OSBPL9: variants seen among roughly 807,000 people sequenced by gnomAD.
OSBPL9 encodes the protein oxysterol-binding protein-related protein 9.
OSBPL9 carries 40 observed loss-of-function variants against 106.6 expected under a neutral mutation model. That is an observed-to-expected ratio of 0.38 (90% CI 0.29 to 0.49). The LOEUF (loss-of-function observed/expected upper bound fraction) is 0.49. Among genes scored for constraint, OSBPL9 ranks in the 20% least tolerant of loss-of-function variants. The probability of loss-of-function intolerance (pLI) is 0.97; values close to 1 mark genes in which losing one functional copy is unlikely to be tolerated. For synonymous variants in OSBPL9, 269 were observed against 295.4 expected, an observed-to-expected ratio of 0.91 and a Z score of 0.92; for missense variants, 609 against 887.2, an observed-to-expected ratio of 0.69 and a Z score of 3.98.
At chr1:51,519,955 G>T in the OSBPL9 span, among the ~76,000 whole-genome samples, 4 of 152,190 alleles carry the variant, frequency 2.6e-5, no homozygotes, top group Non-Finnish European at 5.9e-5. Flanking sequence ...TTTAACAAGG[G>T]AACGCTGGTG....
intron 1 of OSBPL9, among the ~76,000 whole-genome samples, chr1:51,590,028 G>A (rs1428808842): frequency 3.8e-5 from 4 of 104,042 alleles, no homozygotes; most frequent in Non-Finnish European, 5.4e-5. Context: ...GTGAGACTCC[G>A]TCTCAAAAAA....
intron 1 of OSBPL9, among the ~76,000 whole-genome samples, chr1:51,634,963 C>T (rs928438645): frequency 6.6e-6 from 1 of 152,142 alleles, no homozygotes; most frequent in African/African-American, 2.4e-5. Flanking sequence ...GGAAACTGGC[C>T]CTATGATTCA....
intron 4 of OSBPL9, among the ~76,000 whole-genome samples, chr1:51,742,111 C>T (rs553157906): frequency 6.6e-6 from 1 of 152,256 alleles, no homozygotes; most frequent in East Asian, 1.9e-4. Context: ...TAGCCAGCGC[C>T]ATGTGTGTTC....
chr1:51,720,853 A>G (rs548656467), intron 4 of OSBPL9, among the ~76,000 whole-genome samples: 1 of 142,044 alleles, frequency 7.0e-6, no homozygotes, highest in South Asian at 2.2e-4. Context: ...GTTGGAGTAC[A>G]GTGGTGCAAT....
the OSBPL9 span, chr1:51,566,262 T>A: frequency 6.6e-6 from 1 of 152,256 alleles, no homozygotes; most frequent in Non-Finnish European, 1.5e-5. Flanking sequence ...CTCTGCTCCA[T>A]CATTCCCAGC....
At chr1:51,676,613 C>T (rs994008183) in intron 3 of OSBPL9, among the ~76,000 whole-genome samples, 6 of 147,542 alleles carry the variant, frequency 4.1e-5, no homozygotes, top group South Asian at 2.2e-4. Flanking sequence ...GAGCCGAGAT[C>T]GCGCCACTGC....
chr1:51,729,827 G>A lies in OSBPL9; in HGVS notation c.319-15709G>A, dbSNP rs1316606601. On this transcript the variant is annotated intron_variant, in intron 4 of 23. Transcript: ENST00000428468. The surrounding 1 kb of genome is among the most constrained non-coding windows in gnomAD (Gnocchi z 5.1). The stretch of plus-strand genomic sequence containing the variant: ...AGGGGTGGGGGGTGAAGGGGGTGAA[G>A]GGGGTGTCCCGGGGGACGGGCTGAA... The A allele has an allele frequency of 6.4e-6, 8 of 1,243,740 alleles. No individual in the cohort carries two copies. Among genetic ancestry groups the A allele is most frequent in the African/African-American group, 1.6e-5 (1 of 63,564 alleles). The allele number at this position is 1,243,740 out of a possible 1,614,324, so 77.0% of individuals were successfully genotyped here. A position where few individuals can be genotyped will look rare whatever the true frequency, so the allele number is the denominator to read the frequency against.
At chr1:51,602,622 A>T (rs951588092) in intron 2 of OSBPL9, among the ~76,000 whole-genome samples, 8 of 150,854 alleles carry the variant, frequency 5.3e-5, no homozygotes, top group Non-Finnish European at 1.2e-4. Context: ...AGAGACGAGG[A>T]GTGGGGCGGG....
intron 3 of OSBPL9, among the ~76,000 whole-genome samples, chr1:51,681,055 T>G (rs980134750): frequency 6.6e-6 from 1 of 152,198 alleles, no homozygotes. Context: ...TATATCCTCC[T>G]TTTTTGAAAG....
chr1:51,704,441 G>C (rs947351557), intron 3 of OSBPL9, among the ~76,000 whole-genome samples: 14 of 152,180 alleles, frequency 9.2e-5, no homozygotes, highest in Non-Finnish European at 4.4e-5. Flanking sequence ...GGTGTTTATA[G>C]TATTCTCTGA....
At chr1:51,661,659 G>T (rs940578135) in intron 2 of OSBPL9, among the ~76,000 whole-genome samples, 1 of 152,136 alleles carries the variant, frequency 6.6e-6, no homozygotes, top group Non-Finnish European at 1.5e-5. Context: ...TAAAAGTGGA[G>T]TTGAAAGAAA....
At chr1:51,518,348 TC>T in the OSBPL9 span, 12 of 152,552 alleles carry the variant, frequency 7.9e-5, no homozygotes, top group Admixed American at 7.2e-4. Flanking sequence ...TGCTGAGGAT[TC>T]CCCCCAAGAA....
chr1:51,718,378 G>T (rs1456679789), intron 4 of OSBPL9, among the ~76,000 whole-genome samples: 1 of 152,130 alleles, frequency 6.6e-6, no homozygotes, highest in Admixed American at 6.5e-5. Flanking sequence ...AAAGATAAAT[G>T]CTTGAGGTGA....
In OSBPL9 at chr1:51,789,166, AACTC is replaced by A. The variant is rs1258702413; in HGVS notation, c.*1378_*1381del. 1.3e-5 allele frequency: 18 copies of A among 1,422,920 alleles called. No individual in the cohort carries two copies. The Middle Eastern group carries it at 6.7e-4, about 53-fold the overall frequency. 88.1% of individuals were successfully genotyped at this position (1,422,920 alleles called of 1,614,324 possible). ...GAAGCCCTAAGGCAGTAGTATAACT[AACTC>A]CATAAAATACAAACAAACACATTTT... On this transcript the variant is annotated 3_prime_UTR_variant, in exon 24 of 24. Transcript: ENST00000428468.
chr1:51,664,924 C>T (rs1648073419), intron 2 of OSBPL9, among the ~76,000 whole-genome samples: 1 of 152,130 alleles, frequency 6.6e-6, no homozygotes, highest in Non-Finnish European at 1.5e-5. Context: ...AGCATAATGC[C>T]TCACTCATGA....
chr1:51,535,275 A>G, the OSBPL9 span, among the ~76,000 whole-genome samples: 2 of 152,302 alleles, frequency 1.3e-5, no homozygotes, highest in Middle Eastern at 3.4e-3. Context: ...GGCATCTAGG[A>G]GAGGGTAGGA....
At chr1:51,617,026 G>GGA, upstream of OSBPL9, 2 of 636,768 alleles carry the variant, frequency 3.1e-6, no homozygotes, top group South Asian at 2.7e-5. Context: ...GACCCGCCCC[G>GGA]CCCCCTGCGG....
chr1:51,564,896 C>T, the OSBPL9 span, among the ~76,000 whole-genome samples: 1 of 152,328 alleles, frequency 6.6e-6, no homozygotes, highest in East Asian at 1.9e-4. Context: ...ATGGTCCTCA[C>T]CAGGAGGGGA....
intron 1 of OSBPL9, among the ~76,000 whole-genome samples, chr1:51,632,783 C>G (rs1332136449): frequency 6.6e-6 from 1 of 151,984 alleles, no homozygotes; most frequent in Non-Finnish European, 1.5e-5. Flanking sequence ...TAGGGTCTAC[C>G]TTGGAATTTT....
Sources: allele counts gnomAD v4.1 joint callset (sites outside exome capture counted in the v4.1 genomes callset), GRCh38; gene constraint gnomAD v4.1.1; non-coding constraint Gnocchi (gnomAD v3.1); transcripts MANE v1.5; gene names NCBI Gene and HGNC (gene_info 2026-07-23, HGNC 2026-07-21).